POLL: variants seen among roughly 807,000 people sequenced by gnomAD.
POLL encodes DNA polymerase beta-2.
POLL carries 44 observed loss-of-function variants against 58.1 expected under a neutral mutation model. The observed-to-expected ratio is 0.76, with a 90% CI of 0.60 to 0.97. POLL has a LOEUF of 0.97. Among genes scored for constraint, POLL ranks in the 50% least tolerant of loss-of-function variants. POLL has a pLI of 0.00. For missense variants in POLL, 632 were observed against 736.8 expected (o/e 0.86, Z 1.65); for synonymous variants, 290 against 283.2 (o/e 1.02, Z -0.24).
chr10:101,585,576 T>C, intron 3 of POLL, 98 bp from the exon 4 acceptor site: 1 of 1,161,208 alleles, frequency 8.6e-7, no homozygotes, highest in Non-Finnish European at 1.2e-6. Context: ...TCCCAGTGTG[T>C]CCAATTAAGA....
At chr10:101,585,028 C>T in intron 4 of POLL, 109 bp from the exon 5 acceptor site, 6 of 782,890 alleles carry the variant, frequency 7.7e-6, no homozygotes, top group African/African-American at 1.7e-5. Flanking sequence ...TCTAGTCAGA[C>T]CTAAGAATGA....
intron 4 of POLL, 116 bp downstream of exon 4, chr10:101,585,200 A>G (rs777630067): frequency 4.6e-6 from 4 of 879,012 alleles, no homozygotes; most frequent in Non-Finnish European, 6.9e-6. Flanking sequence ...ATGGCTTCAC[A>G]ATAGAGCCCT....
intron 7 of POLL, chr10:101,581,539 G>A (rs1160685447): frequency 1.3e-5 from 2 of 152,206 alleles, no homozygotes; most frequent in South Asian, 2.1e-4. Context: ...CAGTCTCCAT[G>A]GGATCCCACT....
In POLL at chr10:101,580,402, G is replaced by C; in HGVS notation, c.1209C>G (p.Ala403=). The part of the protein sequence containing the change: ...TEIEQTVQKA[A]QAFNSGLLCV... ...ACAGCAGCCCAGAGTTAAAGGCCTG[G>C]GCTGCTTTCTGGACCTGGGAAAGAG... The change falls in exon 8 of 9, where the codon GCC becomes GCG. Residue 403 remains alanine (A), a synonymous_variant. Coordinates refer to ENST00000370162, the MANE Select transcript of POLL (RefSeq NM_001174084.2). This position sits in a 1 kb window ranked among gnomAD's most constrained non-coding sequence, Gnocchi z 4.1. The C allele has an allele frequency of 6.2e-7, 1 of 1,613,716 alleles. No homozygotes were observed. The highest frequency in any genetic ancestry group is 8.5e-7 in the Non-Finnish European group (1 of 1,179,922).
rs1304839284 is a variant in POLL at position 101,587,891 on chromosome 10, T to C, written c.-116A>G. ...GAGTGGGAACGCCCTGCACCTGTCC[T>C]GGTCTCAGCCTCTCGACATGGGGGT... is the stretch of plus-strand genomic sequence containing the variant. On this transcript the variant is annotated 5_prime_UTR_variant, in exon 1 of 9. Transcript: ENST00000370162. 2 of 1,201,666 alleles carry C rather than the reference T, an allele frequency of 1.7e-6. No homozygotes were observed. Among genetic ancestry groups the C allele is most frequent in the South Asian group, 1.5e-5 (1 of 65,534 alleles). 74.4% of individuals were successfully genotyped at this position (1,201,666 alleles called of 1,614,324 possible). A position where few individuals can be genotyped will look rare whatever the true frequency, so the allele number is the denominator to read the frequency against.
At chr10:101,586,725 G>A (rs1217310346) in intron 2 of POLL, among the ~76,000 whole-genome samples, 1 of 152,138 alleles carries the variant, frequency 6.6e-6, no homozygotes, top group Non-Finnish European at 1.5e-5. Flanking sequence ...GAACTCCTGA[G>A]CACAGGTGAT....
Position 101,583,631 on chromosome 10 carries a change from T to TC in POLL, c.941_942insG (p.Ile314MetfsTer17). The stretch of plus-strand genomic sequence containing the variant: ...GCAAATGCCCGCTCTCCAGGATCTC[T>TC]ATGATTTTCTCAGCCATCCGCTTCC... On this transcript the variant is annotated frameshift_variant, in exon 6 of 9. Coordinates refer to ENST00000370162, the MANE Select transcript of POLL (RefSeq NM_001174084.2). LOFTEE classifies it high-confidence loss of function. 2 of 1,613,944 alleles carry TC rather than the reference T, an allele frequency of 1.2e-6. No individual in the cohort carries two copies. Among genetic ancestry groups the TC allele is most frequent in the Non-Finnish European group, 1.7e-6 (2 of 1,179,858 alleles).
At chr10:101,587,608 T>C (rs2063454731) in intron 1 of POLL, 2 of 1,100,692 alleles carry the variant, frequency 1.8e-6, no homozygotes, top group Non-Finnish European at 2.4e-6. Flanking sequence ...TTACGGGAAA[T>C]GAGGGGAAGG....
At chr10:101,582,742 T>C in intron 7 of POLL, 21 bp downstream of exon 7, 1 of 1,610,312 alleles carries the variant, frequency 6.2e-7, no homozygotes, top group Admixed American at 1.7e-5. Context: ...CTGTCCTCAC[T>C]GCTCTGGGAC....
chr10:101,585,888 A>T lies in POLL; in HGVS notation c.384T>A (p.Ala128=), dbSNP rs765141796. The change falls in exon 3 of 9, where the codon GCT becomes GCA. Residue 128 remains alanine, a synonymous_variant. Coordinates refer to ENST00000370162, the MANE Select transcript of POLL (RefSeq NM_001174084.2). The stretch of plus-strand genomic sequence containing the variant: ...TACTGGGGATGAAGATGCTGAATCC[A>T]GCTACATCCACCAGCCTCCTCTCCT... The part of the protein sequence containing the change: ...CLQERRLVDV[A]GFSIFIPSRY... The T allele has an allele frequency of 6.3e-7, 1 of 1,595,552 alleles. No homozygotes were observed. The highest frequency in any genetic ancestry group is 1.1e-5 in the South Asian group (1 of 90,252).
Position 101,584,693 on chromosome 10 carries a change from T to C in POLL, c.800A>G (p.Tyr267Cys), listed in dbSNP as rs759001377. 3.7e-6 allele frequency: 6 copies of C among 1,613,934 alleles called. No individual in the cohort carries two copies. Among genetic ancestry groups the C allele is most frequent in the Non-Finnish European group, 5.1e-6 (6 of 1,179,988 alleles). Residue 267 changes from tyrosine (Y) to cysteine (C), a missense_variant, in exon 5 of 9, where the codon TAC becomes TGC. Tyr to Cys is a radical substitution (Grantham distance 194). Coordinates refer to ENST00000370162, the MANE Select transcript of POLL (RefSeq NM_001174084.2). ...TEKLEVLAKA[Y>C]SVQGDKWRAL... ...CCTCCACTTGTCTCCCTGAACACTG[T>C]AGGCTTTGGCCAGAACTTCCAGCTT...
rs772334405 is a variant in POLL at position 101,584,910 on chromosome 10, C to T, written c.583G>A (p.Asp195Asn). 1 of 1,416,106 alleles carries T rather than the reference C, an allele frequency of 7.1e-7. No homozygotes were observed. Among genetic ancestry groups the T allele is most frequent in the East Asian group, 2.5e-5 (1 of 39,660 alleles). 87.7% of individuals were successfully genotyped at this position (1,416,106 alleles called of 1,614,324 possible). ...APNTQAQPIS[D>N]DEASDGEETQ... ...TCTTCCCCATCACTGGCTTCATCAT[C>T]AGAGATGGGCTTGGGATAGAGAAGA... Residue 195 changes from aspartate (D) to asparagine (N), a missense_variant, in exon 5 of 9, where the codon GAT (aspartate) becomes AAT (asparagine). Asp to Asn is a conservative substitution (Grantham distance 23). Coordinates refer to ENST00000370162, the MANE Select transcript of POLL (RefSeq NM_001174084.2).
At chr10:101,587,164 C>T (rs1469205908) in intron 2 of POLL, 82 bp downstream of exon 2, 3 of 1,611,326 alleles carry the variant, frequency 1.9e-6, no homozygotes, top group African/African-American at 2.7e-5. Flanking sequence ...ATATCTGATT[C>T]TGGACATAAA....
intron 4 of POLL, 79 bp downstream of exon 4, chr10:101,585,237 G>C: frequency 3.1e-6 from 4 of 1,299,810 alleles, no homozygotes; most frequent in Admixed American, 5.0e-5. Context: ...GGGACTTTCT[G>C]AACAGCCACC....
At chr10:101,587,537 C>A (rs1335911720) in intron 1 of POLL, 131 bp from the exon 2 acceptor site, 18 of 1,477,744 alleles carry the variant, frequency 1.2e-5, no homozygotes, top group African/African-American at 1.1e-4. Context: ...CTCTTCAAAC[C>A]CGGTTAAACT....
chr10:101,580,017 T>C lies in POLL; in HGVS notation c.1364-200A>G, dbSNP rs998075310. The C allele has an allele frequency of 1.4e-6, 1 of 704,064 alleles. No homozygotes were observed. Among genetic ancestry groups the C allele is most frequent in the Non-Finnish European group, 2.3e-6 (1 of 430,814 alleles). The allele number at this position is 704,064 out of a possible 1,614,324, so 43.6% of individuals were successfully genotyped here. ...CCCATAGTGTCACAGAAAGATCAGA[T>C]GAGATACTTGGCCTGCAGGGTTCAC... is the stretch of plus-strand genomic sequence containing the variant. On this transcript the variant is annotated intron_variant, in intron 8 of 8. Transcript: ENST00000370162. The surrounding 1 kb of genome is among the most constrained non-coding windows in gnomAD (Gnocchi z 4.1).
chr10:101,582,220 T>C (rs2063039489), intron 7 of POLL: 1 of 154,610 alleles, frequency 6.5e-6, no homozygotes, highest in African/African-American at 2.4e-5. Flanking sequence ...GACACTGTGC[T>C]TTTACACCAA....
chr10:101,582,106 C>T (rs2063033222), intron 7 of POLL: 1 of 152,358 alleles, frequency 6.6e-6, no homozygotes, highest in Non-Finnish European at 1.5e-5. Flanking sequence ...ATGATCTGTC[C>T]ACCCTGTTCT....
In POLL at chr10:101,583,008, A is replaced by G. The variant is rs768514544; in HGVS notation, c.1066-117T>C. On this transcript the variant is annotated intron_variant, in intron 6 of 8. Transcript: ENST00000370162. Reference sequence around the variant, plus strand: ...GACTCTAGGGAAGGCTAGAGGCAGGACCAACCTAGGGGCAGTTGGGTCTGT... The same window carrying G: ...GACTCTAGGGAAGGCTAGAGGCAGGGCCAACCTAGGGGCAGTTGGGTCTGT... 13 of 1,267,648 alleles carry G rather than the reference A, an allele frequency of 1.0e-5. 1 individual carries two copies. In the East Asian group the frequency reaches 1.9e-4, roughly 19 times the overall value. 78.5% of individuals were successfully genotyped at this position (1,267,648 alleles called of 1,614,324 possible).
Sources: gnomAD v4.1 joint callset for allele counts (sites outside exome capture counted in the v4.1 genomes callset) on GRCh38, gnomAD v4.1.1 for gene constraint, Gnocchi (gnomAD v3.1) non-coding constraint, MANE v1.5 for transcripts, NCBI Gene and HGNC (gene_info 2026-07-23, HGNC 2026-07-21) for gene names.